ANKHD1: variants seen among roughly 807,000 people sequenced by gnomAD.
ANKHD1 encodes ankyrin repeat and KH domain containing 1, also known as ankyrin repeat and KH domain-containing protein 1.
In ANKHD1, 31 loss-of-function variants were observed where a neutral mutation model predicts 230.5. The observed-to-expected ratio is 0.13, with a 90% CI of 0.10 to 0.18. ANKHD1 has a LOEUF of 0.18. ANKHD1 is among the 10% of genes least tolerant of loss of function. The probability of loss-of-function intolerance (pLI) is 1.00; values close to 1 mark genes in which losing one functional copy is unlikely to be tolerated. For missense variants in ANKHD1, 2,256 were observed against 3,071.3 expected (o/e 0.73, Z 6.27); for synonymous variants, 1,074 against 1,117.6 (o/e 0.96, Z 0.78).
intron 26 of ANKHD1, 32 bp downstream of exon 26, chr5:140,526,475 C>A: frequency 6.4e-7 from 1 of 1,565,918 alleles, no homozygotes; most frequent in South Asian, 1.2e-5. Flanking sequence ...ACTCTACCTG[C>A]ACCTTTCCTT....
chr5:140,488,842 A>G (rs576568934), intron 14 of ANKHD1, among the ~76,000 whole-genome samples: 1 of 151,938 alleles, frequency 6.6e-6, no homozygotes, highest in African/African-American at 2.4e-5. Flanking sequence ...AGAGGTTGCA[A>G]TAAGCCGAGA....
intron 32 of ANKHD1, among the ~76,000 whole-genome samples, chr5:140,538,528 G>A (rs1754174356): frequency 6.6e-6 from 1 of 152,290 alleles, no homozygotes; most frequent in East Asian, 1.9e-4. Context: ...CCTCTTAAAA[G>A]CTGGCCATGA....
intron 1 of ANKHD1, among the ~76,000 whole-genome samples, chr5:140,416,514 G>T (rs1262638936): frequency 6.6e-6 from 1 of 151,990 alleles, no homozygotes; most frequent in Admixed American, 6.6e-5. Context: ...TATATAAGTG[G>T]GTTTACTTTC....
At chr5:140,403,409 G>T (rs1034271215) in intron 1 of ANKHD1, among the ~76,000 whole-genome samples, 1 of 151,746 alleles carries the variant, frequency 6.6e-6, no homozygotes, top group Non-Finnish European at 1.5e-5. Flanking sequence ...GGAAAAAGGG[G>T]CGGGTTTTGT....
intron 29 of ANKHD1, 97 bp downstream of exon 29, chr5:140,529,893 C>CTTAT: frequency 6.7e-7 from 1 of 1,493,834 alleles, no homozygotes; most frequent in Non-Finnish European, 8.9e-7. Flanking sequence ...AAATCAGTCA[C>CTTAT]ATATAATGAG....
chr5:140,502,719 ATAG>A (rs1752359192), intron 15 of ANKHD1, among the ~76,000 whole-genome samples: 1 of 152,138 alleles, frequency 6.6e-6, no homozygotes, highest in African/African-American at 2.4e-5. Flanking sequence ...GTGTAACAAA[ATAG>A]TATCTGCTTT....
chr5:140,532,436 C>T (rs116419802), intron 29 of ANKHD1, among the ~76,000 whole-genome samples: 1 of 151,824 alleles, frequency 6.6e-6, no homozygotes, highest in East Asian at 1.9e-4. Context: ...TGCAGAATTT[C>T]TTTTTCTTTT....
chr5:140,408,052 C>T (rs1033735259), intron 1 of ANKHD1, among the ~76,000 whole-genome samples: 6 of 152,132 alleles, frequency 3.9e-5, no homozygotes, highest in African/African-American at 7.2e-5. Context: ...TGGCAGGCGC[C>T]TGTAATCCTA....
At chr5:140,406,816 G>A (rs893152008) in intron 1 of ANKHD1, among the ~76,000 whole-genome samples, 6 of 152,082 alleles carry the variant, frequency 3.9e-5, no homozygotes, top group South Asian at 2.1e-4. Context: ...GATTACAGCC[G>A]TGAGTCACCC....
At chr5:140,431,316 A>G (rs1173737768) in intron 1 of ANKHD1, among the ~76,000 whole-genome samples, 1 of 152,194 alleles carries the variant, frequency 6.6e-6, no homozygotes, top group Non-Finnish European at 1.5e-5. Context: ...GTCAGATATT[A>G]GATGTAAAAT....
Position 140,496,897 on chromosome 5 carries a change from C to T in ANKHD1, c.2623C>T (p.His875Tyr). ...AGTGTCTCTACACCAACAGTGCTCTCATAGAGGAGTCTTCCCAGAAGGGGA... is the reference window on the plus strand; with the variant it reads ...AGTGTCTCTACACCAACAGTGCTCTTATAGAGGAGTCTTCCCAGAAGGGGA... The part of the protein sequence containing the change: ...DTVSLHQQCS[H>Y]RGVFPEGEGD... Residue 875 changes from histidine (H) to tyrosine (Y), a missense_variant, in exon 15 of 34, where the codon CAT becomes TAT. His to Tyr is a moderately conservative substitution (Grantham distance 83). Transcript: ENST00000360839. 1 of 1,614,166 alleles carries T rather than the reference C, an allele frequency of 6.2e-7. No individual in the cohort carries two copies. Among genetic ancestry groups the T allele is most frequent in the Non-Finnish European group, 8.5e-7 (1 of 1,180,036 alleles).
chr5:140,510,888 T>A (rs1752737616), intron 22 of ANKHD1, among the ~76,000 whole-genome samples: 1 of 151,804 alleles, frequency 6.6e-6, no homozygotes, highest in Non-Finnish European at 1.5e-5. Flanking sequence ...AGTGGCATGA[T>A]CATAGCTCAC....
Position 140,505,813 on chromosome 5 carries a change from T to A in ANKHD1, c.3352T>A (p.Ser1118Thr). 6.2e-7 allele frequency: 1 copy of A among 1,612,270 alleles called. No homozygotes were observed. Among genetic ancestry groups the A allele is most frequent in the Non-Finnish European group, 8.5e-7 (1 of 1,179,284 alleles). The change falls in exon 18 of 34, where the codon TCT (serine) becomes ACT (threonine). Residue 1118 changes from serine to threonine, a missense_variant. Ser to Thr is a moderately conservative substitution (Grantham distance 58, BLOSUM62 1). This residue lies in a region of ANKHD1 where 63 missense variants were observed against 125.5 expected (regional missense o/e 0.50). Coordinates refer to ENST00000360839, the MANE Select transcript of ANKHD1 (RefSeq NM_017747.3). ...TAAAGGTGGAGATATAGAAGCACAG[T>A]CTGAACGAACTAAGGATACTCCGCT... The part of the protein sequence containing the change: ...LDKGGDIEAQ[S>T]ERTKDTPLSL...
intron 7 of ANKHD1, among the ~76,000 whole-genome samples, chr5:140,455,021 A>G (rs1775058958): frequency 6.6e-6 from 1 of 152,186 alleles, no homozygotes; most frequent in Non-Finnish European, 1.5e-5. Context: ...ATAAAAAATG[A>G]TAAAGGGGAT....
At chr5:140,415,800 T>C (rs1009048021) in intron 1 of ANKHD1, among the ~76,000 whole-genome samples, 5 of 152,030 alleles carry the variant, frequency 3.3e-5, no homozygotes, top group African/African-American at 1.2e-4. Flanking sequence ...TTATTTATTT[T>C]ATTATACTTT....
intron 3 of ANKHD1, 21 bp from the exon 4 acceptor site, chr5:140,440,098 G>T: frequency 6.4e-7 from 1 of 1,570,436 alleles, no homozygotes; most frequent in South Asian, 1.2e-5. Flanking sequence ...TCGGTTAATT[G>T]TTGAATGGTT....
intron 10 of ANKHD1, among the ~76,000 whole-genome samples, chr5:140,470,611 CTTT>C (rs386405120): frequency 4.5e-4 from 32 of 71,772 alleles, no homozygotes; most frequent in African/African-American, 1.4e-3. Context: ...CTTGTTTCTG[CTTT>C]TTTTTTTTTT....
intron 25 of ANKHD1, among the ~76,000 whole-genome samples, chr5:140,524,724 G>GATTCTA (rs1304280400): frequency 6.6e-6 from 1 of 152,094 alleles, no homozygotes; most frequent in Non-Finnish European, 1.5e-5. Context: ...GTTCTACTTG[G>GATTCTA]ATTCTAATTC....
chr5:140,471,126 A>G (rs564201811), intron 10 of ANKHD1, among the ~76,000 whole-genome samples: 27 of 152,290 alleles, frequency 1.8e-4, no homozygotes, highest in African/African-American at 4.8e-4. Context: ...CATGTCAGTA[A>G]TCAAAAAGTT....
Sources: allele counts gnomAD v4.1 joint callset (sites outside exome capture counted in the v4.1 genomes callset), GRCh38; gene constraint gnomAD v4.1.1; regional missense constraint gnomAD v4.1.1; transcripts MANE v1.5; gene names NCBI Gene and HGNC (gene_info 2026-07-23, HGNC 2026-07-21).